The following RYR3 variants were observed in gnomAD, a reference collection of about 807,000 sequenced individuals.
RYR3 encodes ryanodine receptor 3, also known as brain ryanodine receptor-calcium release channel.
RYR3 carries 207 observed loss-of-function variants against 584.3 expected under a neutral mutation model. The observed-to-expected ratio is 0.35, with a 90% CI of 0.32 to 0.40. The LOEUF (loss-of-function observed/expected upper bound fraction) is 0.40. RYR3 is among the 10% of genes least tolerant of loss of function. The probability of loss-of-function intolerance (pLI) is 1.00; values close to 1 mark genes in which losing one functional copy is unlikely to be tolerated. For synonymous variants in RYR3, 2,416 were observed against 2,248.5 expected (o/e 1.07, Z -2.11); for missense variants, 5,616 against 6,089.2 (o/e 0.92, Z 2.59).
At chr15:33,544,685 C>G (rs74446130) in intron 8 of RYR3, among the ~76,000 whole-genome samples, 3 of 152,062 alleles carry the variant, frequency 2.0e-5, no homozygotes, top group Non-Finnish European at 2.9e-5. Context: ...TTAGAAAGCA[C>G]CCATTGGCAA....
In RYR3 at chr15:33,785,924, G is replaced by A. The variant is rs1472690866; in HGVS notation, c.9531G>A (p.Leu3177=). The A allele has an allele frequency of 6.2e-7, 1 of 1,610,496 alleles. No homozygotes were observed. Among genetic ancestry groups the A allele is most frequent in the Non-Finnish European group, 8.5e-7 (1 of 1,177,602 alleles). Residue 3177 remains leucine, a synonymous_variant, in exon 66 of 104, where the codon CTG becomes CTA. Transcript: ENST00000634891. ...TCAGTCTCATCCTGGGCAACATTCT[G>A]AAAATCATCAACAACAACCTGGGCA... is the stretch of plus-strand genomic sequence containing the variant. ...EHLSLILGNI[L]KIINNNLGID...
chr15:33,396,107 T>C (rs1369273289), intron 1 of RYR3, among the ~76,000 whole-genome samples: 2 of 152,104 alleles, frequency 1.3e-5, no homozygotes, highest in Non-Finnish European at 2.9e-5. Context: ...GACTTTTCCA[T>C]AGTGGCTGAA....
Position 33,769,177 on chromosome 15 carries a change from G to A in RYR3, c.8816+5G>A, listed in dbSNP as rs747112237. 4 of 1,609,980 alleles carry A rather than the reference G, an allele frequency of 2.5e-6. No individual in the cohort carries two copies. The South Asian group carries it at 3.3e-5, about 13-fold the overall frequency. On this transcript the variant is annotated splice_donor_5th_base_variant and intron_variant, in intron 62 of 103. Coordinates refer to ENST00000634891, the MANE Select transcript of RYR3 (RefSeq NM_001036.6). ...AGCTCAGACACTTGACACAAGGTAA[G>A]TCTGCCCAGTTTTTCCCAATAGTTT...
chr15:33,353,336 T>C (rs1973529688), intron 1 of RYR3, among the ~76,000 whole-genome samples: 1 of 152,178 alleles, frequency 6.6e-6, no homozygotes, highest in Non-Finnish European at 1.5e-5. Context: ...AAGGTGCGCA[T>C]AAAAGGGATT....
In RYR3 at chr15:33,539,345, T is replaced by C. The variant is rs201243902; in HGVS notation, c.434-5T>C. 223 of 1,570,890 alleles carry C rather than the reference T, an allele frequency of 1.4e-4. 1 individual carries two copies. The East Asian group carries it at 4.7e-3, about 33-fold the overall frequency. On this transcript the variant is annotated splice_region_variant and splice_polypyrimidine_tract_variant and intron_variant, in intron 5 of 103. Transcript: ENST00000634891. ...CAATGACTAACTCAAGGAGCCTTCA[T>C]GTAGGAGAAGCCTGTTGGTGGACTA...
rs796905126 is a variant in RYR3 at position 33,336,546 on chromosome 15, G to GAAAGA, written c.51+25451_51+25452insAAGAA. On this transcript the variant is annotated intron_variant, in intron 1 of 103. Coordinates refer to ENST00000634891, the MANE Select transcript of RYR3 (RefSeq NM_001036.6). ...GGAGGGAAGGAGGGAAGGAGGGAAG[G>GAAAGA]AGGGAAGGAAGGAAGAAAAAAGCAC... Among the ~76,000 whole-genome samples, 72 of 56,350 alleles carry GAAAGA rather than the reference G, an allele frequency of 1.3e-3. 3 individuals are homozygous for GAAAGA. Among genetic ancestry groups the GAAAGA allele is most frequent in the Middle Eastern group, 8.3e-3 (1 of 120 alleles). The allele number at this position is 56,350 out of a possible 152,430, so 37.0% of individuals were successfully genotyped here.
chr15:33,367,402 A>G (rs1975659947), intron 1 of RYR3, among the ~76,000 whole-genome samples: 1 of 152,170 alleles, frequency 6.6e-6, no homozygotes, highest in Non-Finnish European at 1.5e-5. Flanking sequence ...TGTAGTGTTC[A>G]GAGTTTTAAA....
chr15:33,735,968 T>A (rs889453226), intron 48 of RYR3, among the ~76,000 whole-genome samples: 1 of 152,256 alleles, frequency 6.6e-6, no homozygotes, highest in East Asian at 1.9e-4. Context: ...GACTATATTT[T>A]GAGTATGCAT....
intron 8 of RYR3, 33 bp from the exon 9 acceptor site, chr15:33,548,097 C>G: frequency 6.5e-7 from 1 of 1,529,582 alleles, no homozygotes; most frequent in Non-Finnish European, 9.0e-7. Flanking sequence ...CAGTGTCATG[C>G]AAGTAGGAGC....
In RYR3 at chr15:33,562,826, G is replaced by T. The variant is rs753842075; in HGVS notation, c.973-11G>T. 1 of 1,602,344 alleles carries T rather than the reference G, an allele frequency of 6.2e-7. No individual in the cohort carries two copies. Among genetic ancestry groups the T allele is most frequent in the South Asian group, 1.1e-5 (1 of 90,410 alleles). ...TATGCCTATGTTTGTTTCTTTTTGT[G>T]TATGAATTAGGAACTCAAGGAGAAA... On this transcript the variant is annotated splice_polypyrimidine_tract_variant and intron_variant, in intron 10 of 103. Transcript: ENST00000634891.
intron 64 of RYR3, 107 bp from the exon 65 acceptor site, chr15:33,780,104 G>A (rs1344335696): frequency 3.7e-6 from 5 of 1,350,684 alleles, no homozygotes; most frequent in East Asian, 2.4e-5. Context: ...GCTGAGCCTA[G>A]TGCCTAGGGA....
intron 1 of RYR3, 187 bp from the exon 2 acceptor site, chr15:33,473,232 C>A: frequency 1.3e-6 from 1 of 755,590 alleles, no homozygotes; most frequent in Non-Finnish European, 2.4e-6. Flanking sequence ...AGTTCTGACT[C>A]ACGGTAGATG....
At chr15:33,337,108 TA>T (rs35761766) in intron 1 of RYR3, among the ~76,000 whole-genome samples, 36,834 of 115,850 alleles carry the variant, frequency 0.32, 5,974 homozygotes, top group East Asian at 0.45. Context: ...AGGAGACTGA[TA>T]AAAAAAGAGA....
At chr15:33,827,401 C>A in intron 85 of RYR3, 114 bp downstream of exon 85, 1 of 889,558 alleles carries the variant, frequency 1.1e-6, no homozygotes, top group Non-Finnish European at 1.8e-6. Flanking sequence ...ATAAGGAAGG[C>A]GTTGTAACGT....
chr15:33,552,327 C>T (rs1254891804), intron 10 of RYR3, among the ~76,000 whole-genome samples: 1 of 152,202 alleles, frequency 6.6e-6, no homozygotes, highest in Non-Finnish European at 1.5e-5. Context: ...GGCATCACTT[C>T]TGGCCTCTGA....
chr15:33,391,697 T>C (rs1436371395), intron 1 of RYR3, among the ~76,000 whole-genome samples: 1 of 151,836 alleles, frequency 6.6e-6, no homozygotes, highest in African/African-American at 2.4e-5. Flanking sequence ...ATTAGCTGAG[T>C]AAAGTAATAG....
intron 1 of RYR3, among the ~76,000 whole-genome samples, chr15:33,350,980 T>C (rs1335652825): frequency 6.6e-6 from 1 of 152,128 alleles, no homozygotes; most frequent in Non-Finnish European, 1.5e-5. Context: ...AGTTGGTTTT[T>C]TGAAAGGATC....
At chr15:33,778,638 T>C (rs2074182141) in intron 64 of RYR3, among the ~76,000 whole-genome samples, 1 of 152,230 alleles carries the variant, frequency 6.6e-6, no homozygotes, top group Non-Finnish European at 1.5e-5. Context: ...TGAAGCTGCA[T>C]TGTGAAAGCT....
chr15:33,629,792 ATC>A, intron 21 of RYR3, 146 bp from the exon 22 acceptor site: 1 of 578,816 alleles, frequency 1.7e-6, no homozygotes, highest in African/African-American at 1.9e-5. Context: ...TAGAGAGATC[ATC>A]TGTTTGCCGA....
Sources: allele counts gnomAD v4.1 joint callset (sites outside exome capture counted in the v4.1 genomes callset), GRCh38; gene constraint gnomAD v4.1.1; transcripts MANE v1.5; gene names NCBI Gene and HGNC (gene_info 2026-07-23, HGNC 2026-07-21).